Variants in TMEM87A observed in about 807,000 individuals in gnomAD.
TMEM87A encodes transmembrane protein 87A.
TMEM87A carries 50 observed loss-of-function variants against 90.0 expected under a neutral mutation model. That is an observed-to-expected ratio of 0.56 (90% confidence interval 0.44 to 0.70). The LOEUF (loss-of-function observed/expected upper bound fraction) is 0.70, where lower values mean the gene tolerates loss of function less well. Among genes scored for constraint, TMEM87A ranks in the 30% least tolerant of loss-of-function variants. The probability of loss-of-function intolerance (pLI) is 0.00; values close to 1 mark genes in which losing one functional copy is unlikely to be tolerated. For synonymous variants in TMEM87A, 226 were observed against 226.7 expected, an observed-to-expected ratio of 1.00 and a Z score of 0.03; for missense variants, 577 against 660.5, an observed-to-expected ratio of 0.87 and a Z score of 1.39.
chr15:42,217,599 C>A (rs2050404064), intron 19 of TMEM87A, among the ~76,000 whole-genome samples: 1 of 152,128 alleles, frequency 6.6e-6, no homozygotes, highest in African/African-American at 2.4e-5. Context: ...AAAGGTGAAA[C>A]ATGTATAGAC....
At chr15:42,213,198 T>C (rs2140906038) in intron 19 of TMEM87A, among the ~76,000 whole-genome samples, 1 of 152,346 alleles carries the variant, frequency 6.6e-6, no homozygotes, top group African/African-American at 2.4e-5. Flanking sequence ...ATGACTGGAA[T>C]GTACATCCAA....
intron 15 of TMEM87A, among the ~76,000 whole-genome samples, chr15:42,225,664 T>C (rs1318934973): frequency 3.3e-5 from 5 of 152,058 alleles, no homozygotes; most frequent in African/African-American, 1.2e-4. Flanking sequence ...CCCGAGTAGC[T>C]GGGATTAGAG....
At chr15:42,269,060 G>C (rs977064377) in intron 2 of TMEM87A, among the ~76,000 whole-genome samples, 3 of 152,006 alleles carry the variant, frequency 2.0e-5, no homozygotes, top group Non-Finnish European at 4.4e-5. Flanking sequence ...GGAAGCTCAT[G>C]TTATCATGGA....
intron 13 of TMEM87A, 66 bp from the exon 14 acceptor site, chr15:42,227,835 C>T (rs1357217244): frequency 6.9e-7 from 1 of 1,454,900 alleles, no homozygotes; most frequent in Admixed American, 1.7e-5. Flanking sequence ...TACATTCCCC[C>T]ATTTCCGGTT....
At chr15:42,264,699 A>ATATATATATATATATATTTTT (rs10681614) in intron 3 of TMEM87A, among the ~76,000 whole-genome samples, 45 of 109,426 alleles carry the variant, frequency 4.1e-4, no homozygotes, top group African/African-American at 1.3e-3. Context: ...ATATATATAT[A>ATATATATATATATATATTTTT]TTTTTTTTTT....
At chr15:42,246,734 A>G (rs1160274689) in intron 6 of TMEM87A, among the ~76,000 whole-genome samples, 1 of 152,176 alleles carries the variant, frequency 6.6e-6, no homozygotes, top group Non-Finnish European at 1.5e-5. Flanking sequence ...TGCTATTGCG[A>G]ACAGTGCTGC....
chr15:42,266,883 T>C (rs2140988991), intron 3 of TMEM87A, among the ~76,000 whole-genome samples: 1 of 152,316 alleles, frequency 6.6e-6, no homozygotes, highest in African/African-American at 2.4e-5. Flanking sequence ...AATCATTTTT[T>C]CCACGAAACA....
At chr15:42,254,966 T>C (rs1425006957) in intron 6 of TMEM87A, among the ~76,000 whole-genome samples, 3 of 8,244 alleles carry the variant, frequency 3.6e-4, no homozygotes, top group African/African-American at 4.4e-4. Context: ...GAGGTCTCCT[T>C]TTTTTTTTTT....
rs188438038 is a variant in TMEM87A at position 42,225,826 on chromosome 15, C to A, written c.1403+980G>T. 2.6e-3 allele frequency among the ~76,000 whole-genome samples: 402 copies of A among 152,208 alleles called. 1 individual carries two copies. Among genetic ancestry groups the A allele is most frequent in the African/African-American group, 9.3e-3 (388 of 41,508 alleles). ...TGCTGGGATTACAGGCATGAGCCAC[C>A]GTGCCTGGTTGACACAATAGATTAT... On this transcript the variant is annotated intron_variant, in intron 15 of 19. Transcript: ENST00000389834.
chr15:42,232,646 C>T (rs4924635), intron 11 of TMEM87A, among the ~76,000 whole-genome samples: 146,336 of 151,680 alleles, frequency 0.96, 70,730 homozygotes, highest in Non-Finnish European at 1. Context: ...GCTAATTTCT[C>T]GTATTTTTTT....
rs1555409716 is a variant in TMEM87A at position 42,264,683 on chromosome 15, G to GTATATATATA, written c.292-490_292-481dup. ...AACTCAGAACTATATATATGTGTGT[G>GTATATATATA]TATATATATATATATATTTTTTTTT... is the stretch of plus-strand genomic sequence containing the variant. On this transcript the variant is annotated intron_variant, in intron 3 of 19. Coordinates refer to ENST00000389834, the MANE Select transcript of TMEM87A (RefSeq NM_015497.5). Among the ~76,000 whole-genome samples, 17 of 116,382 alleles carry GTATATATATA rather than the reference G, an allele frequency of 1.5e-4. 1 individual carries two copies. The highest frequency in any genetic ancestry group is 5.1e-4 in the African/African-American group (17 of 33,486). 76.4% of individuals were successfully genotyped at this position (116,382 alleles called of 152,430 possible).
At chr15:42,255,989 A>G (rs1342352335) in intron 6 of TMEM87A, among the ~76,000 whole-genome samples, 2 of 147,146 alleles carry the variant, frequency 1.4e-5, no homozygotes, top group African/African-American at 2.5e-5. Flanking sequence ...CATGTTTGCC[A>G]GGCTGATCTC....
chr15:42,245,644 C>T (rs2050958410), intron 6 of TMEM87A, among the ~76,000 whole-genome samples: 1 of 151,484 alleles, frequency 6.6e-6, no homozygotes, highest in Non-Finnish European at 1.5e-5. Flanking sequence ...CCTGCCTCAG[C>T]CTCCCAAGTA....
At chr15:42,221,928 T>C (rs2050493971) in intron 15 of TMEM87A, among the ~76,000 whole-genome samples, 1 of 151,708 alleles carries the variant, frequency 6.6e-6, no homozygotes, top group South Asian at 2.1e-4. Flanking sequence ...CCTAAAACAA[T>C]TTTTTTTGTA....
In TMEM87A at chr15:42,228,820, T is replaced by C. The variant is rs745532866; in HGVS notation, c.1132A>G (p.Ile378Val). ...AFLDTALCWW[I>V]FISLTQTMKL... ...ATTGTTTGAGTCAGGCTAATAAATA[T>C]GTGTTTGCAGGTCAAGGAATTCAAC... is the stretch of plus-strand genomic sequence containing the variant. The change falls in exon 13 of 20, where the codon ATA becomes GTA. Residue 378 changes from isoleucine to valine, a missense_variant and splice_region_variant. Transcript: ENST00000389834. 1 of 1,574,038 alleles carries C rather than the reference T, an allele frequency of 6.4e-7. No homozygotes were observed. Among genetic ancestry groups the C allele is most frequent in the Non-Finnish European group, 8.6e-7 (1 of 1,164,128 alleles).
At chr15:42,266,600 G>A (rs1221522982) in intron 3 of TMEM87A, among the ~76,000 whole-genome samples, 1 of 151,892 alleles carries the variant, frequency 6.6e-6, no homozygotes, top group African/African-American at 2.4e-5. Flanking sequence ...GGGTAAAACT[G>A]TTGCCCCTTA....
intron 1 of TMEM87A, 88 bp downstream of exon 1, chr15:42,273,167 T>G: frequency 6.5e-7 from 1 of 1,541,964 alleles, no homozygotes. Flanking sequence ...TTGAAGAGAC[T>G]TTTGCGGAAC....
chr15:42,215,327 G>A (rs1566919944), intron 19 of TMEM87A, among the ~76,000 whole-genome samples: 2 of 152,046 alleles, frequency 1.3e-5, no homozygotes, highest in African/African-American at 4.8e-5. Context: ...GTGAAACCCC[G>A]TCTCTACTAA....
chr15:42,220,940 C>T (rs557344751), intron 15 of TMEM87A, among the ~76,000 whole-genome samples: 7 of 152,182 alleles, frequency 4.6e-5, no homozygotes, highest in South Asian at 2.1e-4. Context: ...TACAGGCGCC[C>T]GCCACGATGC....
Sources: allele counts gnomAD v4.1 joint callset (sites outside exome capture counted in the v4.1 genomes callset), GRCh38; gene constraint gnomAD v4.1.1; transcripts MANE v1.5; gene names NCBI Gene and HGNC (gene_info 2026-07-23, HGNC 2026-07-21).